ARL11: variants seen among roughly 807,000 people sequenced by gnomAD.
ARL11 encodes the protein ADP-ribosylation factor-like protein 11.
For synonymous variants in ARL11, 91 were observed against 111.2 expected (o/e 0.82, Z 1.15); for missense variants, 239 against 250.6 (o/e 0.95, Z 0.31).
chr13:49,632,803 T>TA lies in ARL11; in HGVS notation c.*1766dup, dbSNP rs1964900222. ...TAACACCAGGTTAGGCATGCTTGGTTATTTCCAGTACTTGTCAGTCAACAT... is the reference window on the plus strand; with the variant it reads ...TAACACCAGGTTAGGCATGCTTGGTTAATTTCCAGTACTTGTCAGTCAACAT... On this transcript the variant is annotated 3_prime_UTR_variant, in exon 2 of 2. Coordinates refer to ENST00000282026, the MANE Select transcript of ARL11 (RefSeq NM_138450.6). 6.0e-6 allele frequency: 1 copy of TA among 167,108 alleles called. No homozygotes were observed. The highest frequency in any genetic ancestry group is 2.4e-5 in the African/African-American group (1 of 41,450). 10.4% of individuals were successfully genotyped at this position (167,108 alleles called of 1,614,324 possible).
chr13:49,630,755 T>C lies in ARL11; in HGVS notation c.308T>C (p.Leu103Pro), dbSNP rs1216934556. The C allele has an allele frequency of 6.2e-7, 1 of 1,613,926 alleles. No homozygotes were observed. The highest frequency in any genetic ancestry group is 1.7e-5 in the Admixed American group (1 of 59,988). Residue 103 changes from leucine to proline, a missense_variant, in exon 2 of 2, where the codon CTC (leucine) becomes CCC (proline). Physicochemically the swap from Leu to Pro is moderately conservative, Grantham distance 98. Transcript: ENST00000282026. ...EARLPESAAE[L>P]TEVLNDPNMA... is the part of the protein sequence containing the mutation. ...CGCTTACCCGAGTCGGCGGCTGAGC[T>C]CACAGAAGTCCTGAACGACCCCAAC...
At position 49,631,149 on chromosome 13, in the gene ARL11, C is replaced by T; in HGVS notation, c.*111C>T. The T allele has an allele frequency of 1.8e-6, 2 of 1,093,870 alleles. No individual in the cohort carries two copies. Among genetic ancestry groups the T allele is most frequent in the East Asian group, 2.7e-5 (1 of 37,678 alleles). The allele number at this position is 1,093,870 out of a possible 1,614,324, so 67.8% of individuals were successfully genotyped here. A position where few individuals can be genotyped will look rare whatever the true frequency, so the allele number is the denominator to read the frequency against. ...GAAATGCTGGCTTGGCCCGGTGGCT[C>T]ATGCCTGTAATCCCAGCACTGTGGG... On this transcript the variant is annotated 3_prime_UTR_variant, in exon 2 of 2. Coordinates refer to ENST00000282026, the MANE Select transcript of ARL11 (RefSeq NM_138450.6).
intron 1 of ARL11, among the ~76,000 whole-genome samples, chr13:49,629,469 A>G (rs543995231): frequency 6.6e-6 from 1 of 152,202 alleles, no homozygotes; most frequent in East Asian, 1.9e-4. Flanking sequence ...CAGACCACAT[A>G]TACAACGGTG....
rs1386812970 is a variant in ARL11, at chr13:49,633,402, T to A, written c.*2364T>A. On this transcript the variant is annotated 3_prime_UTR_variant, in exon 2 of 2. Transcript: ENST00000282026. Reference sequence around the variant, plus strand: ...ATAGAAAACAAAACTGGAATGGGAGTTTAGGTCCAATTTGGGCAAGGTTGT... The same window carrying A: ...ATAGAAAACAAAACTGGAATGGGAGATTAGGTCCAATTTGGGCAAGGTTGT... 2 of 166,698 alleles carry A rather than the reference T, an allele frequency of 1.2e-5. No individual in the cohort carries two copies. Among genetic ancestry groups the A allele is most frequent in the Non-Finnish European group, 2.9e-5 (2 of 68,056 alleles). 10.3% of individuals were successfully genotyped at this position (166,698 alleles called of 1,614,324 possible).
intron 1 of ARL11, among the ~76,000 whole-genome samples, chr13:49,628,845 A>T (rs1964851709): frequency 6.6e-6 from 1 of 152,246 alleles, no homozygotes; most frequent in Non-Finnish European, 1.5e-5. Context: ...TAATCCCAGC[A>T]CTTTGGGAGG....
At chr13:49,629,841 C>T (rs760388914) in intron 1 of ARL11, among the ~76,000 whole-genome samples, 12 of 152,232 alleles carry the variant, frequency 7.9e-5, no homozygotes, top group South Asian at 2.1e-4. Context: ...GAGAGGTCAC[C>T]GTGAGCTGAA....
rs1964896698 is a variant in ARL11, at chr13:49,632,387, A to G, written c.*1349A>G. ...TGATTGACAGGGAAAAGGAAGGTTG[A>G]CCATAGCATCCTAGAAGGCTCATCA... On this transcript the variant is annotated 3_prime_UTR_variant, in exon 2 of 2. Transcript: ENST00000282026. The G allele has an allele frequency of 6.0e-6, 1 of 167,066 alleles. No individual in the cohort carries two copies. The highest frequency in any genetic ancestry group is 2.4e-5 in the African/African-American group (1 of 41,464). The allele number at this position is 167,066 out of a possible 1,614,324, so 10.3% of individuals were successfully genotyped here. A position where few individuals can be genotyped will look rare whatever the true frequency, so the allele number is the denominator to read the frequency against.
chr13:49,631,193 C>A lies in ARL11; in HGVS notation c.*155C>A. On this transcript the variant is annotated 3_prime_UTR_variant, in exon 2 of 2. Transcript: ENST00000282026. ...CTGTGGGAGACCACGGTGGGGGAATCCCTTGAGCCCAGGAGTTGGAGAGCA... is the reference window on the plus strand; with the variant it reads ...CTGTGGGAGACCACGGTGGGGGAATACCTTGAGCCCAGGAGTTGGAGAGCA... 1.5e-6 allele frequency: 1 copy of A among 652,610 alleles called. No homozygotes were observed. The highest frequency in any genetic ancestry group is 2.5e-6 in the Non-Finnish European group (1 of 398,022). 40.4% of individuals were successfully genotyped at this position (652,610 alleles called of 1,614,324 possible). A position where few individuals can be genotyped will look rare whatever the true frequency, so the allele number is the denominator to read the frequency against.
chr13:49,632,386 G>A lies in ARL11; in HGVS notation c.*1348G>A, dbSNP rs1964896677. ...ATGATTGACAGGGAAAAGGAAGGTTGACCATAGCATCCTAGAAGGCTCATC... is the reference window on the plus strand; with the variant it reads ...ATGATTGACAGGGAAAAGGAAGGTTAACCATAGCATCCTAGAAGGCTCATC... On this transcript the variant is annotated 3_prime_UTR_variant, in exon 2 of 2. Coordinates refer to ENST00000282026, the MANE Select transcript of ARL11 (RefSeq NM_138450.6). The A allele has an allele frequency of 6.0e-6, 1 of 167,022 alleles. No individual in the cohort carries two copies. Among genetic ancestry groups the A allele is most frequent in the Non-Finnish European group, 1.5e-5 (1 of 68,116 alleles). 10.3% of individuals were successfully genotyped at this position (167,022 alleles called of 1,614,324 possible).
Position 49,631,742 on chromosome 13 carries a change from C to A in ARL11, c.*704C>A, listed in dbSNP as rs1277954356. The A allele has an allele frequency of 6.0e-6, 1 of 165,630 alleles. No individual in the cohort carries two copies. The highest frequency in any genetic ancestry group is 2.4e-5 in the African/African-American group (1 of 41,310). The allele number at this position is 165,630 out of a possible 1,614,324, so 10.3% of individuals were successfully genotyped here. A position where few individuals can be genotyped will look rare whatever the true frequency, so the allele number is the denominator to read the frequency against. On this transcript the variant is annotated 3_prime_UTR_variant, in exon 2 of 2. Transcript: ENST00000282026. ...GTCCCAGCTACTCAGGAGGTTGAGG[C>A]AGAAGAATCGCTTGAACCCAGGAAG...
Position 49,632,994 on chromosome 13 carries a change from A to C in ARL11, c.*1956A>C, listed in dbSNP as rs1246764207. On this transcript the variant is annotated 3_prime_UTR_variant, in exon 2 of 2. Transcript: ENST00000282026. ...GTTTATTGAGCACTTACTTGGACCA[A>C]GCACTGTGGTCTTGGTGTTTTACAT... 1 of 166,944 alleles carries C rather than the reference A, an allele frequency of 6.0e-6. No homozygotes were observed. Among genetic ancestry groups the C allele is most frequent in the Non-Finnish European group, 1.5e-5 (1 of 68,116 alleles). The allele number at this position is 166,944 out of a possible 1,614,324, so 10.3% of individuals were successfully genotyped here. A position where few individuals can be genotyped will look rare whatever the true frequency, so the allele number is the denominator to read the frequency against.
Position 49,630,773 on chromosome 13 carries a change from A to AC in ARL11, c.330dup (p.Asn111GlnfsTer18). ...GCTGAGCTCACAGAAGTCCTGAACG[A>AC]CCCCAACATGGCTGGCGTCCCCTTC... On this transcript the variant is annotated frameshift_variant, in exon 2 of 2. Coordinates refer to ENST00000282026, the MANE Select transcript of ARL11 (RefSeq NM_138450.6). LOFTEE classifies it low-confidence loss of function (END_TRUNC). 6.2e-7 allele frequency: 1 copy of AC among 1,613,660 alleles called. No individual in the cohort carries two copies. The highest frequency in any genetic ancestry group is 2.2e-5 in the East Asian group (1 of 44,846).
chr13:49,630,172 A>T, intron 1 of ARL11: 1 of 362,330 alleles, frequency 2.8e-6, no homozygotes, highest in African/African-American at 2.1e-5. Flanking sequence ...TGACCCTGTG[A>T]AGACTTTTCC....
chr13:49,631,942 T>C lies in ARL11; in HGVS notation c.*904T>C, dbSNP rs1315041897. 1 of 167,032 alleles carries C rather than the reference T, an allele frequency of 6.0e-6. No homozygotes were observed. The highest frequency in any genetic ancestry group is 1.5e-5 in the Non-Finnish European group (1 of 68,106). The allele number at this position is 167,032 out of a possible 1,614,324, so 10.3% of individuals were successfully genotyped here. On this transcript the variant is annotated 3_prime_UTR_variant, in exon 2 of 2. Coordinates refer to ENST00000282026, the MANE Select transcript of ARL11 (RefSeq NM_138450.6). Reference sequence around the variant, plus strand: ...CCAGTGGCCCCTGGGGATGTGCCACTGTCACTCAGAAGGGCAAGCTAGGCA... The same window carrying C: ...CCAGTGGCCCCTGGGGATGTGCCACCGTCACTCAGAAGGGCAAGCTAGGCA...
chr13:49,630,620 C>T lies in ARL11; in HGVS notation c.173C>T (p.Ser58Leu). 1 of 1,614,136 alleles carries T rather than the reference C, an allele frequency of 6.2e-7. No homozygotes were observed. The highest frequency in any genetic ancestry group is 1.1e-5 in the South Asian group (1 of 91,082). The change falls in exon 2 of 2, where the codon TCA (serine) becomes TTA (leucine). Residue 58 changes from serine to leucine, a missense_variant. Transcript: ENST00000282026. ...VEPLKAPGHV[S>L]LTLWDVGGQA... The stretch of plus-strand genomic sequence containing the variant: ...CCTCTGAAAGCTCCTGGGCACGTGT[C>T]ACTGACTCTCTGGGACGTTGGGGGG...
rs146850453 is a variant in ARL11, at chr13:49,630,937, G to A, written c.490G>A (p.Glu164Lys). The change falls in exon 2 of 2, where the codon GAG (glutamate) becomes AAG (lysine). Residue 164 changes from glutamate (E) to lysine (K), a missense_variant. Physicochemically the swap from Glu to Lys is moderately conservative, Grantham distance 56. Coordinates refer to ENST00000282026, the MANE Select transcript of ARL11 (RefSeq NM_138450.6). ...CSALTGEGLP[E>K]ALQSLWSLLK... ...TGCCCTCACTGGGGAGGGGCTGCCC[G>A]AGGCCCTGCAGAGCCTGTGGAGCCT... is the stretch of plus-strand genomic sequence containing the variant. 1,009 of 1,605,286 alleles carry A rather than the reference G, an allele frequency of 6.3e-4. 1 individual carries two copies. Among genetic ancestry groups the A allele is most frequent in the Non-Finnish European group, 7.9e-4 (929 of 1,174,424 alleles).
rs1347618043 is a variant in ARL11, at chr13:49,633,342, G to A, written c.*2304G>A. ...GTAAGTCAGTGTACTTGCAACAGAG[G>A]CTTGGGATGAAGGGTGGGTGAAGTT... On this transcript the variant is annotated 3_prime_UTR_variant, in exon 2 of 2. Transcript: ENST00000282026. The A allele has an allele frequency of 1.8e-5, 3 of 167,096 alleles. No homozygotes were observed. The highest frequency in any genetic ancestry group is 7.2e-5 in the African/African-American group (3 of 41,434). 10.4% of individuals were successfully genotyped at this position (167,096 alleles called of 1,614,324 possible).
Position 49,631,076 on chromosome 13 carries a change from GAAGAAC to G in ARL11, c.*39_*44del. 7.4e-6 allele frequency: 11 copies of G among 1,481,568 alleles called. No individual in the cohort carries two copies. Among genetic ancestry groups the G allele is most frequent in the Non-Finnish European group, 1.0e-5 (11 of 1,103,596 alleles). The allele number at this position is 1,481,568 out of a possible 1,614,324, so 91.8% of individuals were successfully genotyped here. ...AGCATATCTTTGCTCATACAAACTA[GAAGAAC>G]CAGCTGATCCTTGAGAAATTTACGC... On this transcript the variant is annotated 3_prime_UTR_variant, in exon 2 of 2. Coordinates refer to ENST00000282026, the MANE Select transcript of ARL11 (RefSeq NM_138450.6).
Position 49,631,182 on chromosome 13 carries a change from G to C in ARL11, c.*144G>C. The C allele has an allele frequency of 1.4e-6, 1 of 697,972 alleles. No homozygotes were observed. Among genetic ancestry groups the C allele is most frequent in the Non-Finnish European group, 2.3e-6 (1 of 433,658 alleles). The allele number at this position is 697,972 out of a possible 1,614,324, so 43.2% of individuals were successfully genotyped here. Reference sequence around the variant, plus strand: ...TAATCCCAGCACTGTGGGAGACCACGGTGGGGGAATCCCTTGAGCCCAGGA... The same window carrying C: ...TAATCCCAGCACTGTGGGAGACCACCGTGGGGGAATCCCTTGAGCCCAGGA... On this transcript the variant is annotated 3_prime_UTR_variant, in exon 2 of 2. Transcript: ENST00000282026.
Sources: allele counts gnomAD v4.1 joint callset (sites outside exome capture counted in the v4.1 genomes callset), GRCh38; gene constraint gnomAD v4.1.1; transcripts MANE v1.5; gene names NCBI Gene and HGNC (gene_info 2026-07-23, HGNC 2026-07-21).